The following ZSCAN5A variants were observed in gnomAD, a reference collection of about 807,000 sequenced individuals.
ZSCAN5A encodes zinc finger and SCAN domain containing 5A.
ZSCAN5A carries 12 observed loss-of-function variants against 23.7 expected under a neutral mutation model. The observed-to-expected ratio is 0.51, with a 90% confidence interval of 0.32 to 0.82. The LOEUF (loss-of-function observed/expected upper bound fraction) is 0.82. ZSCAN5A is among the 40% of genes least tolerant of loss of function. ZSCAN5A has a pLI of 0.03. For synonymous variants in ZSCAN5A, 257 were observed against 239.9 expected, an observed-to-expected ratio of 1.07 and a Z score of -0.66; for missense variants, 597 against 617.9, an observed-to-expected ratio of 0.97 and a Z score of 0.36.
At chr19:56,263,843 A>G (rs189364917) in intron 2 of ZSCAN5A, among the ~76,000 whole-genome samples, 44 of 152,298 alleles carry the variant, frequency 2.9e-4, no homozygotes, top group African/African-American at 1.0e-3. Flanking sequence ...TAATAGTATT[A>G]TGCTTCTATG....
Position 56,339,256 on chromosome 19 carries a change from A to G in ZSCAN5A, c.-357-22988T>C, listed in dbSNP as rs140284131. Among the ~76,000 whole-genome samples, 875 of 151,540 alleles carry G rather than the reference A, an allele frequency of 5.8e-3. 8 individuals carry two copies. The highest frequency in any genetic ancestry group is 9.3e-3 in the African/African-American group (383 of 41,122). Reference sequence around the variant, plus strand: ...GTTGTAGCCGTATTTAGCAATATGCAAAGGAGCAGCTGTAGCCATATTTAG... The same window carrying G: ...GTTGTAGCCGTATTTAGCAATATGCGAAGGAGCAGCTGTAGCCATATTTAG... On this transcript the variant is annotated intron_variant, in intron 2 of 6. Transcript: ENST00000587340.
intron 2 of ZSCAN5A, among the ~76,000 whole-genome samples, chr19:56,283,187 T>A (rs1204279070): frequency 6.6e-6 from 1 of 152,208 alleles, no homozygotes; most frequent in African/African-American, 2.4e-5. Context: ...CACCTCTTTC[T>A]GATTCCACGT....
chr19:56,273,099 C>T (rs2037972527), intron 2 of ZSCAN5A, among the ~76,000 whole-genome samples: 1 of 152,124 alleles, frequency 6.6e-6, no homozygotes, highest in South Asian at 2.1e-4. Context: ...GTTGCTAGCC[C>T]CTGCCCTTGG....
chr19:56,321,069 A>AGTC, intron 2 of ZSCAN5A: 1 of 704,008 alleles, frequency 1.4e-6, no homozygotes, highest in South Asian at 1.4e-5. Flanking sequence ...TTCAGGAGAT[A>AGTC]GACTGAGTAT....
At chr19:56,367,346 AG>A (rs1362520855) in intron 1 of ZSCAN5A, 11 of 152,334 alleles carry the variant, frequency 7.2e-5, no homozygotes, top group African/African-American at 2.6e-4. Context: ...TTGGCAATAG[AG>A]TGAGATGCTG....
chr19:56,242,117 C>G (rs2035475169), intron 2 of ZSCAN5A, among the ~76,000 whole-genome samples: 1 of 152,206 alleles, frequency 6.6e-6, no homozygotes, highest in Non-Finnish European at 1.5e-5. Flanking sequence ...AGCTTCTATA[C>G]TGTCTCCCAT....
At chr19:56,251,210 G>A (rs982634960) in intron 2 of ZSCAN5A, among the ~76,000 whole-genome samples, 6 of 150,656 alleles carry the variant, frequency 4.0e-5, no homozygotes, top group East Asian at 3.9e-4. Context: ...GTTACCCTCC[G>A]TACTTCAGGA....
At chr19:56,310,877 G>A (rs1382610709) in intron 2 of ZSCAN5A, among the ~76,000 whole-genome samples, 1 of 152,136 alleles carries the variant, frequency 6.6e-6, no homozygotes, top group African/African-American at 2.4e-5. Flanking sequence ...GCAGGCTTGG[G>A]GAAGGTATTG....
At chr19:56,266,692 G>C (rs1472280402) in intron 2 of ZSCAN5A, 2 of 151,980 alleles carry the variant, frequency 1.3e-5, no homozygotes, top group Non-Finnish European at 2.9e-5. Context: ...TGTTACCCAG[G>C]ATGGTCTCGA....
At chr19:56,286,938 T>C (rs1159743412) in intron 2 of ZSCAN5A, among the ~76,000 whole-genome samples, 1 of 152,236 alleles carries the variant, frequency 6.6e-6, no homozygotes, top group Non-Finnish European at 1.5e-5. Context: ...CCAGGACAAG[T>C]CTGTTTTCTT....
chr19:56,288,793 G>A (rs2039315605), intron 2 of ZSCAN5A, among the ~76,000 whole-genome samples: 1 of 152,194 alleles, frequency 6.6e-6, no homozygotes. Flanking sequence ...AGTGGTGTCT[G>A]AGACCCGTGT....
At chr19:56,302,402 TTCC>T (rs1266574844) in intron 2 of ZSCAN5A, among the ~76,000 whole-genome samples, 4 of 143,308 alleles carry the variant, frequency 2.8e-5, no homozygotes, top group African/African-American at 1.0e-4. Flanking sequence ...TCCCTATTCT[TTCC>T]TCCTCCCTTC....
In ZSCAN5A at chr19:56,358,524, A is replaced by G. The variant is rs1441314722; in HGVS notation, c.-358+4711T>C. ...GCCAATATTAGACAGATCATCGAGA[A>G]AGAAAATTTAGAAAGATATTCAGGA... On this transcript the variant is annotated intron_variant, in intron 2 of 6. Transcript: ENST00000587340. Among the ~76,000 whole-genome samples the G allele has an allele frequency of 1.6e-5, 2 of 124,658 alleles. 1 individual carries two copies. The highest frequency in any genetic ancestry group is 3.5e-5 in the Non-Finnish European group (2 of 57,476). The allele number at this position is 124,658 out of a possible 152,430, so 81.8% of individuals were successfully genotyped here. A position where few individuals can be genotyped will look rare whatever the true frequency, so the allele number is the denominator to read the frequency against.
intron 2 of ZSCAN5A, among the ~76,000 whole-genome samples, chr19:56,326,215 G>T (rs1426835861): frequency 6.6e-6 from 1 of 152,044 alleles, no homozygotes; most frequent in Non-Finnish European, 1.5e-5. Flanking sequence ...GGGATTACAG[G>T]CGTGAGCCAC....
At chr19:56,364,885 GTTC>G (rs1327010979) in intron 1 of ZSCAN5A, 3 of 152,212 alleles carry the variant, frequency 2.0e-5, no homozygotes, top group Non-Finnish European at 4.4e-5. Context: ...CAGAATAGTG[GTTC>G]TTCTAAGGGG....
intron 2 of ZSCAN5A, among the ~76,000 whole-genome samples, chr19:56,241,229 G>C (rs541702784): frequency 6.6e-6 from 1 of 152,238 alleles, no homozygotes; most frequent in South Asian, 2.1e-4. Context: ...GAAAAGAACT[G>C]AGAGTGAATA....
chr19:56,229,762 T>A (rs1038454204), intron 2 of ZSCAN5A, among the ~76,000 whole-genome samples: 7 of 152,200 alleles, frequency 4.6e-5, no homozygotes, highest in African/African-American at 1.4e-4. Flanking sequence ...TTTTGTTTTT[T>A]TTCATTAGCA....
rs969906129 is a variant in ZSCAN5A, at chr19:56,277,978, T to C, written c.-128+35305A>G. On this transcript the variant is annotated intron_variant, in intron 2 of 5. Coordinates refer to ENST00000683990, the MANE Select transcript of ZSCAN5A (RefSeq NM_001322064.3). ...ATAAAATGTTTTAGTGAAATGGCTG[T>C]TTCCAAACCAAAAAAGTTTAGTAAG... Among the ~76,000 whole-genome samples, 14 of 152,196 alleles carry C rather than the reference T, an allele frequency of 9.2e-5. No individual in the cohort carries two copies. The South Asian group carries it at 1.0e-3, about 11-fold the overall frequency.
chr19:56,251,789 C>G (rs1600098660), intron 2 of ZSCAN5A, among the ~76,000 whole-genome samples: 1 of 152,314 alleles, frequency 6.6e-6, no homozygotes. Flanking sequence ...TCTCAAAGTC[C>G]TGAGCTCAAT....
Sources: gnomAD v4.1 joint callset for allele counts (sites outside exome capture counted in the v4.1 genomes callset) on GRCh38, gnomAD v4.1.1 for gene constraint, MANE v1.5 for transcripts, NCBI Gene and HGNC (gene_info 2026-07-23, HGNC 2026-07-21) for gene names.